The following UBXN8 variants were observed in gnomAD, a reference collection of about 807,000 sequenced individuals.
UBXN8 encodes UBX domain-containing protein 8.
A neutral mutation model predicts 32.1 loss-of-function variants in UBXN8; 27 were observed. The observed-to-expected ratio is 0.84, with a 90% CI of 0.62 to 1.16. The LOEUF (loss-of-function observed/expected upper bound fraction) is 1.16. UBXN8 is among the 50% of genes most tolerant of loss of function. The pLI, the probability that UBXN8 is intolerant of heterozygous loss-of-function variation, is 0.00. For missense variants in UBXN8, 306 were observed against 311.4 expected (o/e 0.98, Z 0.13); for synonymous variants, 109 against 111.8 (o/e 0.98, Z 0.16).
At chr8:30,738,856 T>C (rs539200423) in intron 1 of UBXN8, among the ~76,000 whole-genome samples, 1 of 150,594 alleles carries the variant, frequency 6.6e-6, no homozygotes, top group South Asian at 2.2e-4. Context: ...CACGGGAGGC[T>C]GAGGCAGGAG....
At chr8:30,737,233 T>C (rs1291869718) in intron 1 of UBXN8, among the ~76,000 whole-genome samples, 1 of 152,152 alleles carries the variant, frequency 6.6e-6, no homozygotes, top group Non-Finnish European at 1.5e-5. Flanking sequence ...TGTGTTACCT[T>C]CTGCTTTTTG....
chr8:30,735,801 C>T (rs183268240), intron 1 of UBXN8, among the ~76,000 whole-genome samples: 3 of 152,248 alleles, frequency 2.0e-5, no homozygotes, highest in East Asian at 1.9e-4. Flanking sequence ...ATCACACTAC[C>T]GCACCCCAGC....
intron 1 of UBXN8, among the ~76,000 whole-genome samples, chr8:30,734,655 G>A (rs552443773): frequency 1.3e-5 from 2 of 151,922 alleles, no homozygotes; most frequent in South Asian, 2.1e-4. Flanking sequence ...AACACTAGAG[G>A]ATGCCAGGCA....
At chr8:30,752,888 C>A in intron 2 of UBXN8, 147 bp from the exon 3 acceptor site, 3 of 934,940 alleles carry the variant, frequency 3.2e-6, no homozygotes, top group South Asian at 3.3e-5. Flanking sequence ...ACTATTCAAC[C>A]CAAACATAAA....
chr8:30,756,517 G>A (rs527612189), intron 4 of UBXN8, among the ~76,000 whole-genome samples: 2 of 151,926 alleles, frequency 1.3e-5, no homozygotes, highest in Non-Finnish European at 2.9e-5. Flanking sequence ...CCTGACTTCA[G>A]GTGATCTGCC....
At chr8:30,758,901 T>TTTTTTTTTTTTTTTG (rs1563564673) in intron 5 of UBXN8, among the ~76,000 whole-genome samples, 1 of 130,136 alleles carries the variant, frequency 7.7e-6, no homozygotes, top group African/African-American at 3.0e-5. Context: ...TTTGTTTTTT[T>TTTTTTTTTTTTTTTG]TTTTTTTTTT....
chr8:30,734,942 CA>C (rs1165776120), intron 1 of UBXN8, among the ~76,000 whole-genome samples: 2 of 151,344 alleles, frequency 1.3e-5, no homozygotes, highest in African/African-American at 4.9e-5. Flanking sequence ...GACCGTGTCT[CA>C]AAAAAAACCC....
chr8:30,759,493 C>T (rs917064800), intron 5 of UBXN8, among the ~76,000 whole-genome samples: 1 of 151,750 alleles, frequency 6.6e-6, no homozygotes, highest in Non-Finnish European at 1.5e-5. Flanking sequence ...CCTCAGCCCC[C>T]GAAAGTTCTG....
At chr8:30,760,110 A>G (rs1286283188) in intron 5 of UBXN8, among the ~76,000 whole-genome samples, 2 of 144,516 alleles carry the variant, frequency 1.4e-5, no homozygotes, top group African/African-American at 5.1e-5. Flanking sequence ...CACCCAGGCC[A>G]GAATGCAGTG....
intron 1 of UBXN8, 99 bp from the exon 2 acceptor site, chr8:30,751,297 T>G: frequency 1.2e-5 from 12 of 1,007,622 alleles, no homozygotes; most frequent in Non-Finnish European, 1.4e-5. Flanking sequence ...GAGGATCACG[T>G]GAGCTCAGGA....
intron 2 of UBXN8, among the ~76,000 whole-genome samples, chr8:30,752,733 A>G (rs1205844294): frequency 6.6e-6 from 1 of 152,236 alleles, no homozygotes; most frequent in Non-Finnish European, 1.5e-5. Flanking sequence ...GCTACTAGGA[A>G]GAAGCTTGTC....
intron 7 of UBXN8, among the ~76,000 whole-genome samples, chr8:30,765,605 G>A (rs999908568): frequency 6.6e-6 from 1 of 151,818 alleles, no homozygotes; most frequent in Non-Finnish European, 1.5e-5. Context: ...CCAGGCTGGA[G>A]TGCGGTGGTG....
At chr8:30,763,189 TTTAGCTGC>T in intron 6 of UBXN8, 76 bp from the exon 7 acceptor site, 1 of 1,368,590 alleles carries the variant, frequency 7.3e-7, no homozygotes, top group East Asian at 2.3e-5. Flanking sequence ...CTAAGTCCTT[TTTAGCTGC>T]TTAGCTGTTT....
rs1261518779 is a variant in UBXN8 at position 30,746,952 on chromosome 8, C to T, written c.88+2675C>T. ...CAGGCGAGTCATGAGGTCAAGTAAT[C>T]GAGACCATCCTGGCCAACATGGTGA... On this transcript the variant is annotated intron_variant, in intron 1 of 7. Transcript: ENST00000265616. 1.5e-5 allele frequency among the ~76,000 whole-genome samples: 2 copies of T among 130,688 alleles called. 1 individual carries two copies. Among genetic ancestry groups the T allele is most frequent in the African/African-American group, 7.4e-5 (2 of 27,090 alleles). The allele number at this position is 130,688 out of a possible 152,430, so 85.7% of individuals were successfully genotyped here.
intron 5 of UBXN8, among the ~76,000 whole-genome samples, chr8:30,760,484 C>G (rs1586105168): frequency 8.8e-6 from 1 of 113,700 alleles, no homozygotes; most frequent in African/African-American, 3.8e-5. Flanking sequence ...TGCTTTGTTG[C>G]AATGGTTGGC....
chr8:30,741,890 A>G (rs1805211315), upstream of UBXN8, among the ~76,000 whole-genome samples: 1 of 152,232 alleles, frequency 6.6e-6, no homozygotes, highest in Non-Finnish European at 1.5e-5. Flanking sequence ...GGCTTCCCAT[A>G]TGTTAAGACA....
At chr8:30,740,991 G>GA (rs1038021926), upstream of UBXN8, among the ~76,000 whole-genome samples, 3 of 152,122 alleles carry the variant, frequency 2.0e-5, no homozygotes, top group African/African-American at 7.2e-5. Flanking sequence ...AAAAAAGAGG[G>GA]AAAATCTAAC....
At chr8:30,745,652 C>A (rs561312960) in intron 1 of UBXN8, among the ~76,000 whole-genome samples, 3 of 152,242 alleles carry the variant, frequency 2.0e-5, no homozygotes, top group Non-Finnish European at 4.4e-5. Flanking sequence ...TGGAATATAA[C>A]AAGACCTTTA....
chr8:30,762,016 G>A (rs1805846883), intron 6 of UBXN8, among the ~76,000 whole-genome samples: 1 of 150,500 alleles, frequency 6.6e-6, no homozygotes, highest in African/African-American at 2.4e-5. Flanking sequence ...TCCAGAAGGA[G>A]AACCTACTTC....
Sources: allele counts gnomAD v4.1 joint callset (sites outside exome capture counted in the v4.1 genomes callset), GRCh38; gene constraint gnomAD v4.1.1; transcripts MANE v1.5; gene names NCBI Gene and HGNC (gene_info 2026-07-23, HGNC 2026-07-21).